Variants in VPS51 observed in about 807,000 individuals in gnomAD.
VPS51 encodes vacuolar protein sorting-associated protein 51 homolog.
In VPS51, 55 loss-of-function variants were observed where a neutral mutation model predicts 65.1. The observed-to-expected ratio is 0.84, with a 90% CI of 0.68 to 1.06. The LOEUF (loss-of-function observed/expected upper bound fraction) is 1.06. Among genes scored for constraint, VPS51 ranks in the 50% least tolerant of loss-of-function variants. The pLI is 0.00. For missense variants in VPS51, 943 were observed against 1,101.6 expected, an observed-to-expected ratio of 0.86 and a Z score of 2.04; for synonymous variants, 473 against 489.5, an observed-to-expected ratio of 0.97 and a Z score of 0.44.
intron 2 of VPS51, among the ~76,000 whole-genome samples, chr11:65,098,306 T>C (rs1413818162): frequency 6.6e-6 from 1 of 152,230 alleles, no homozygotes; most frequent in Non-Finnish European, 1.5e-5. Context: ...TCCCTCCCTT[T>C]CTTTCTCCCT....
At chr11:65,110,024 G>C in intron 7 of VPS51, 101 bp downstream of exon 7, 2 of 1,257,648 alleles carry the variant, frequency 1.6e-6, no homozygotes, top group South Asian at 1.4e-5. Flanking sequence ...TCCCTGCCTG[G>C]AGGAGGGGAC....
intron 2 of VPS51, among the ~76,000 whole-genome samples, chr11:65,097,582 G>A (rs962436836): frequency 6.6e-6 from 1 of 152,206 alleles, no homozygotes; most frequent in Non-Finnish European, 1.5e-5. Flanking sequence ...CAGGCATGGT[G>A]GCTCATGCCT....
chr11:65,096,218 C>G lies in VPS51; in HGVS notation c.-33C>G. The G allele has an allele frequency of 6.6e-7, 1 of 1,517,316 alleles. No homozygotes were observed. The highest frequency in any genetic ancestry group is 8.8e-7 in the Non-Finnish European group (1 of 1,130,364). The allele number at this position is 1,517,316 out of a possible 1,614,324, so 94.0% of individuals were successfully genotyped here. On this transcript the variant is annotated 5_prime_UTR_variant, in exon 1 of 10. Transcript: ENST00000279281. ...TGCCTCCTCCCCGTCCCCTTCCTTT[C>G]CAGCCTCACGCCCGTGGGCTGCAGT...
At chr11:65,098,006 AC>A (rs1947782402) in intron 2 of VPS51, among the ~76,000 whole-genome samples, 1 of 151,954 alleles carries the variant, frequency 6.6e-6, no homozygotes, top group Non-Finnish European at 1.5e-5. Context: ...ATATGGTGAA[AC>A]CCCATCTCTA....
At position 65,107,432 on chromosome 11, in the gene VPS51, C is replaced by A; in HGVS notation, c.359-149C>A. On this transcript the variant is annotated intron_variant, in intron 2 of 9. Transcript: ENST00000279281. This position sits in a 1 kb window ranked among gnomAD's most constrained non-coding sequence, Gnocchi z 4.0. ...TCCCCCGCCCCCATGTGCGCTGTGA[C>A]CCACGCCCTCGCAGTCCTTTCTCTG... is the stretch of plus-strand genomic sequence containing the variant. The A allele has an allele frequency of 1.1e-6, 1 of 925,134 alleles. No individual in the cohort carries two copies. Among genetic ancestry groups the A allele is most frequent in the Non-Finnish European group, 1.6e-6 (1 of 624,016 alleles). The allele number at this position is 925,134 out of a possible 1,614,324, so 57.3% of individuals were successfully genotyped here. A position where few individuals can be genotyped will look rare whatever the true frequency, so the allele number is the denominator to read the frequency against.
At chr11:65,096,975 C>T in intron 1 of VPS51, 23 bp from the exon 2 acceptor site, 1 of 1,612,388 alleles carries the variant, frequency 6.2e-7, no homozygotes. Context: ...CTGACCCGAA[C>T]ACTAACCACC....
chr11:65,107,987 G>T lies in VPS51; in HGVS notation c.690G>T (p.Thr230=). Residue 230 remains threonine, a synonymous_variant, in exon 4 of 10, where the codon ACG becomes ACT. Transcript: ENST00000279281. The surrounding 1 kb of genome is among the most constrained non-coding windows in gnomAD (Gnocchi z 4.0). ...TCCAGGACGACTGCCAGGTCATCAC[G>T]GCCCGCCTGGCCCAGCAGCTGCGGC... ...RAIQDDCQVI[T]ARLAQQLRQR... The T allele has an allele frequency of 3.2e-6, 5 of 1,551,428 alleles. No homozygotes were observed. Among genetic ancestry groups the T allele is most frequent in the East Asian group, 2.4e-5 (1 of 41,678 alleles).
At chr11:65,105,365 G>A (rs1156310487) in intron 2 of VPS51, 2 of 151,754 alleles carry the variant, frequency 1.3e-5, no homozygotes, top group Non-Finnish European at 2.9e-5. Context: ...CTGCAGCCTG[G>A]GCGACGGAGG....
chr11:65,110,193 C>T (rs1022698595), intron 7 of VPS51: 22 of 622,502 alleles, frequency 3.5e-5, no homozygotes, highest in Non-Finnish European at 5.3e-5. Context: ...ACATCTTCGC[C>T]CCTATTTTAC....
At chr11:65,098,897 T>G (rs1947788980) in intron 2 of VPS51, among the ~76,000 whole-genome samples, 1 of 152,188 alleles carries the variant, frequency 6.6e-6, no homozygotes, top group South Asian at 2.1e-4. Flanking sequence ...TCTTAGAAGC[T>G]TAAGTGAGGG....
chr11:65,103,901 T>G (rs1947825275), intron 2 of VPS51, among the ~76,000 whole-genome samples: 1 of 151,388 alleles, frequency 6.6e-6, no homozygotes, highest in African/African-American at 2.4e-5. Flanking sequence ...TGTTTTTTTT[T>G]GTTTTTTTTT....
rs1947885226 is a variant in VPS51 at position 65,110,393 on chromosome 11, G to T, written c.1879-89G>T. 1.1e-5 allele frequency: 17 copies of T among 1,599,554 alleles called. No individual in the cohort carries two copies. The South Asian group carries it at 1.8e-4, about 17-fold the overall frequency. On this transcript the variant is annotated intron_variant, in intron 7 of 9. Transcript: ENST00000279281. The stretch of plus-strand genomic sequence containing the variant: ...TTACCCTGTGATCCTTGTGATGCTT[G>T]AGTAGCTGACTTAGGGCATCCTCAG...
chr11:65,111,273 TCC>T, intron 9 of VPS51, 52 bp from the exon 10 acceptor site: 1 of 1,597,658 alleles, frequency 6.3e-7, no homozygotes, highest in African/African-American at 1.3e-5. Context: ...AACTTGGGTG[TCC>T]CCCACACACA....
intron 1 of VPS51, 40 bp downstream of exon 1, chr11:65,096,518 G>GGGGGGGGGGGGGGGGC: frequency 3.6e-5 from 18 of 499,400 alleles, no homozygotes; most frequent in Non-Finnish European, 4.8e-5. Flanking sequence ...GGGGAGGGGG[G>GGGGGGGGGGGGGGGGC]AAGGGAACCA....
Position 65,107,296 on chromosome 11 carries a change from G to A in VPS51, c.359-285G>A. 2 of 577,132 alleles carry A rather than the reference G, an allele frequency of 3.5e-6. No individual in the cohort carries two copies. The highest frequency in any genetic ancestry group is 3.7e-5 in the African/African-American group (2 of 54,488). 35.8% of individuals were successfully genotyped at this position (577,132 alleles called of 1,614,324 possible). ...AGTGGTGGCAGCTGGCTAAGCACCTGCGGCCTGCTTCGGATCTGGACTAAT... is the reference window on the plus strand; with the variant it reads ...AGTGGTGGCAGCTGGCTAAGCACCTACGGCCTGCTTCGGATCTGGACTAAT... On this transcript the variant is annotated intron_variant, in intron 2 of 9. Coordinates refer to ENST00000279281, the MANE Select transcript of VPS51 (RefSeq NM_013265.4). This position sits in a 1 kb window ranked among gnomAD's most constrained non-coding sequence, Gnocchi z 4.0.
intron 2 of VPS51, among the ~76,000 whole-genome samples, chr11:65,102,113 G>A (rs1248655282): frequency 6.6e-6 from 1 of 151,574 alleles, no homozygotes; most frequent in Non-Finnish European, 1.5e-5. Context: ...CGCCTCCGGG[G>A]TTCAAGTGAT....
At chr11:65,104,219 G>A (rs965887432) in intron 2 of VPS51, among the ~76,000 whole-genome samples, 1 of 152,184 alleles carries the variant, frequency 6.6e-6, no homozygotes. Context: ...ATGAGCTACC[G>A]TGGCTGGCCT....
rs1485609017 is a variant in VPS51 at position 65,109,899 on chromosome 11, G to A, written c.1854G>A (p.Glu618=). The A allele has an allele frequency of 6.2e-7, 1 of 1,607,038 alleles. No individual in the cohort carries two copies. ...NVRAVMKRVV[E]DTTAIDVQVG... ...GGGCCGTCATGAAGCGGGTGGTGGA[G>A]GATACCACCGCCATCGACGTGCAGG... Residue 618 remains glutamate, a synonymous_variant, in exon 7 of 10, where the codon GAG becomes GAA. Transcript: ENST00000279281.
At position 65,096,490 on chromosome 11, in the gene VPS51, C is replaced by T. The variant is rs1357618275; in HGVS notation, c.228+12C>T. The T allele has an allele frequency of 2.0e-5, 10 of 487,906 alleles. No homozygotes were observed. The highest frequency in any genetic ancestry group is 1.1e-4 in the East Asian group (2 of 17,852). 30.2% of individuals were successfully genotyped at this position (487,906 alleles called of 1,614,324 possible). On this transcript the variant is annotated intron_variant, in intron 1 of 9. Transcript: ENST00000279281. ...TTTACCTAGACAAGGTGTGTGCGCACGGGGAGTGGGGGGGTGCGGGGAGGG... is the reference window on the plus strand; with the variant it reads ...TTTACCTAGACAAGGTGTGTGCGCATGGGGAGTGGGGGGGTGCGGGGAGGG...
Sources: allele counts gnomAD v4.1 joint callset (sites outside exome capture counted in the v4.1 genomes callset), GRCh38; gene constraint gnomAD v4.1.1; non-coding constraint Gnocchi (gnomAD v3.1); transcripts MANE v1.5; gene names NCBI Gene and HGNC (gene_info 2026-07-23, HGNC 2026-07-21).